Variants in UXS1 observed in about 807,000 individuals in gnomAD.
UXS1 encodes UDP-glucuronic acid decarboxylase 1.
In UXS1, 33 loss-of-function variants were observed where a neutral mutation model predicts 62.6. That is an observed-to-expected ratio of 0.53 (90% CI 0.40 to 0.70). UXS1 has a LOEUF of 0.70. Ranked by LOEUF, UXS1 falls within the 30% of genes least tolerant of loss-of-function variation. The pLI, the probability that UXS1 is intolerant of heterozygous loss-of-function variation, is 0.00. For missense variants in UXS1, 434 were observed against 556.3 expected (o/e 0.78, Z 2.21); for synonymous variants, 213 against 206.8 (o/e 1.03, Z -0.26).
In UXS1 at chr2:106,093,889, A is replaced by G. The variant is rs937762129; in HGVS notation, c.*137T>C. 4.0e-6 allele frequency: 5 copies of G among 1,240,596 alleles called. No homozygotes were observed. The African/African-American group carries it at 7.8e-5, about 19-fold the overall frequency. 76.8% of individuals were successfully genotyped at this position (1,240,596 alleles called of 1,614,324 possible). On this transcript the variant is annotated 3_prime_UTR_variant, in exon 15 of 15. Coordinates refer to ENST00000283148, the MANE Select transcript of UXS1 (RefSeq NM_001253875.2). The stretch of plus-strand genomic sequence containing the variant: ...CTTTTAGGCACATCCATTTCATTAA[A>G]GCAAGCTTCAGAATGAAATTCCAGT...
chr2:106,142,724 T>C (rs967865841), intron 6 of UXS1, among the ~76,000 whole-genome samples: 3 of 152,186 alleles, frequency 2.0e-5, no homozygotes, highest in African/African-American at 2.4e-5. Flanking sequence ...ACAGAAGACC[T>C]GATGCCAAGG....
At chr2:106,151,971 A>T (rs1049097066) in intron 5 of UXS1, among the ~76,000 whole-genome samples, 12 of 152,248 alleles carry the variant, frequency 7.9e-5, no homozygotes, top group African/African-American at 2.9e-4. Context: ...ACTACAGCCT[A>T]GGTGATGGGT....
intron 5 of UXS1, among the ~76,000 whole-genome samples, chr2:106,147,820 G>C (rs1681690339): frequency 6.6e-6 from 1 of 152,140 alleles, no homozygotes; most frequent in Non-Finnish European, 1.5e-5. Flanking sequence ...ACTCATACTG[G>C]ATCATAATAC....
At position 106,163,730 on chromosome 2, in the gene UXS1, A is replaced by C. The variant is rs1360100289; in HGVS notation, c.187-20T>G. On this transcript the variant is annotated intron_variant, in intron 3 of 14. Coordinates refer to ENST00000283148, the MANE Select transcript of UXS1 (RefSeq NM_001253875.2). Reference sequence around the variant, plus strand: ...AACCATCTAGAACAATAATAACAAAAATCAGTTTTAAAGCAAAAACACAGT... The same window carrying C: ...AACCATCTAGAACAATAATAACAAACATCAGTTTTAAAGCAAAAACACAGT... 1 of 1,409,958 alleles carries C rather than the reference A, an allele frequency of 7.1e-7. No individual in the cohort carries two copies. Among genetic ancestry groups the C allele is most frequent in the Non-Finnish European group, 9.4e-7 (1 of 1,068,772 alleles). 87.3% of individuals were successfully genotyped at this position (1,409,958 alleles called of 1,614,324 possible).
chr2:106,177,206 T>TTC (rs1300869307), intron 1 of UXS1, among the ~76,000 whole-genome samples: 1 of 149,250 alleles, frequency 6.7e-6, no homozygotes, highest in African/African-American at 2.5e-5. Flanking sequence ...TTTTCTTTTT[T>TTC]TTTTTTTGAG....
chr2:106,161,458 T>C (rs1271708476), intron 4 of UXS1, among the ~76,000 whole-genome samples: 1 of 152,130 alleles, frequency 6.6e-6, no homozygotes, highest in African/African-American at 2.4e-5. Flanking sequence ...CTCATCCACT[T>C]ATTCAGGAAC....
intron 9 of UXS1, among the ~76,000 whole-genome samples, chr2:106,120,935 G>A (rs1466931268): frequency 1.3e-5 from 2 of 152,182 alleles, no homozygotes; most frequent in African/African-American, 4.8e-5. Context: ...CTGACCACAC[G>A]GGGGGCTTCT....
chr2:106,162,099 T>C (rs1682935191), intron 4 of UXS1, among the ~76,000 whole-genome samples: 1 of 152,180 alleles, frequency 6.6e-6, no homozygotes, highest in Non-Finnish European at 1.5e-5. Flanking sequence ...CGCTTGACCT[T>C]CTGACACAGT....
At chr2:106,169,483 G>A (rs1416959856) in intron 1 of UXS1, among the ~76,000 whole-genome samples, 1 of 152,110 alleles carries the variant, frequency 6.6e-6, no homozygotes. Flanking sequence ...AATCACTTGA[G>A]CTCTGGAGTT....
chr2:106,139,123 A>G (rs149853585), intron 6 of UXS1, among the ~76,000 whole-genome samples: 8 of 152,256 alleles, frequency 5.3e-5, no homozygotes, highest in African/African-American at 1.9e-4. Context: ...TACACCAAGC[A>G]TGAGCCTGAC....
intron 10 of UXS1, among the ~76,000 whole-genome samples, chr2:106,105,495 T>C (rs1013281637): frequency 2.6e-5 from 4 of 152,186 alleles, no homozygotes; most frequent in Non-Finnish European, 5.9e-5. Context: ...GACCGTCTTG[T>C]CTACTTTCCA....
intron 1 of UXS1, among the ~76,000 whole-genome samples, chr2:106,189,494 TAC>T (rs1684784888): frequency 6.6e-6 from 1 of 152,220 alleles, no homozygotes; most frequent in Non-Finnish European, 1.5e-5. Flanking sequence ...GGCAGCAACT[TAC>T]ACTCGCAGCG....
chr2:106,127,971 G>A (rs1680102960), intron 7 of UXS1, among the ~76,000 whole-genome samples: 2 of 152,162 alleles, frequency 1.3e-5, no homozygotes, highest in South Asian at 4.1e-4. Context: ...CCGTTCAGCA[G>A]CCCCCAACCC....
rs371143090 is a variant in UXS1 at position 106,146,476 on chromosome 2, G to A, written c.292-1106C>T. Among the ~76,000 whole-genome samples the A allele has an allele frequency of 5.9e-5, 9 of 152,296 alleles. 1 individual carries two copies. Among genetic ancestry groups the A allele is most frequent in the Middle Eastern group, 3.4e-3 (1 of 294 alleles). On this transcript the variant is annotated intron_variant, in intron 5 of 14. Coordinates refer to ENST00000283148, the MANE Select transcript of UXS1 (RefSeq NM_001253875.2). ...CACGATGAAGTATTCACCACGGTGA[G>A]AGAGTAAAGCCACCTGGATTTGAGT...
At chr2:106,094,415 G>T (rs1196480414) in intron 14 of UXS1, among the ~76,000 whole-genome samples, 1 of 151,968 alleles carries the variant, frequency 6.6e-6, no homozygotes, top group Non-Finnish European at 1.5e-5. Flanking sequence ...GACGTAAAGT[G>T]AGCTCCACCT....
intron 10 of UXS1, among the ~76,000 whole-genome samples, chr2:106,107,700 C>G (rs1678201172): frequency 6.6e-6 from 1 of 152,208 alleles, no homozygotes; most frequent in South Asian, 2.1e-4. Context: ...CTGGGTATTT[C>G]CCACCGTTGA....
At chr2:106,104,552 C>T (rs144912587) in intron 11 of UXS1, among the ~76,000 whole-genome samples, 2,267 of 152,242 alleles carry the variant, frequency 0.015, 28 homozygotes, top group Admixed American at 0.047. Context: ...ACCCACACAC[C>T]GCTAGGTGGC....
intron 10 of UXS1, among the ~76,000 whole-genome samples, chr2:106,108,570 C>CA (rs1381785335): frequency 1.3e-5 from 2 of 152,146 alleles, no homozygotes; most frequent in African/African-American, 4.8e-5. Flanking sequence ...TAACAGAAGA[C>CA]AGTGTGAGAT....
chr2:106,119,340 G>A (rs115834716), intron 9 of UXS1, among the ~76,000 whole-genome samples: 1,652 of 152,276 alleles, frequency 0.011, 8 homozygotes, highest in Non-Finnish European at 0.017. Flanking sequence ...CCCACAGGTA[G>A]CCAGCTGAAG....
Sources: gnomAD v4.1 joint callset for allele counts (sites outside exome capture counted in the v4.1 genomes callset) on GRCh38, gnomAD v4.1.1 for gene constraint, MANE v1.5 for transcripts, NCBI Gene and HGNC (gene_info 2026-07-23, HGNC 2026-07-21) for gene names.